The following RBM41 variants were observed in gnomAD, a reference collection of about 807,000 sequenced individuals.
RBM41 encodes the protein RNA binding motif protein 41.
Under a neutral mutation model 30.8 loss-of-function variants are expected in RBM41, and 14 were observed. The ratio of observed to expected loss-of-function variants is 0.45; its 90% confidence interval spans 0.30 to 0.71. The LOEUF is 0.71. Among genes scored for constraint, RBM41 ranks in the 30% least tolerant of loss-of-function variants. The pLI is 0.08. For missense variants in RBM41, 276 were observed against 326.3 expected (o/e 0.85, Z 1.19); for synonymous variants, 120 against 110.1 (o/e 1.09, Z -0.56).
chrX:107,085,531 G>C (rs1035798190), intron 6 of RBM41, among the ~76,000 whole-genome samples: 1 of 111,338 alleles, frequency 9.0e-6, no homozygotes, highest in Non-Finnish European at 1.9e-5. Context: ...GCCTCCCAAA[G>C]TGCTGAGGTT....
At position 107,102,527 on chromosome X, in the gene RBM41, T is replaced by C. The variant is rs1028241141; in HGVS notation, c.595+10870A>G. ...AGCCAGGAATACAGATGGGGTTATC[T>C]AGGAAGAATCTGTAGAGAAACCTCA... On this transcript the variant is annotated intron_variant, in intron 5 of 7. Coordinates refer to ENST00000685964, the MANE Select transcript of RBM41 (RefSeq NM_001324242.2). Among the ~76,000 whole-genome samples the C allele has an allele frequency of 9.9e-5, 11 of 111,625 alleles. 1 individual carries two copies. The highest frequency in any genetic ancestry group is 5.7e-4 in the Admixed American group (6 of 10,520).
rs1430938279 is a variant in RBM41 at position 107,064,578 on chromosome X, A to AT, written c.*2948dup. 9.0e-6 allele frequency: 1 copy of AT among 111,013 alleles called. No homozygotes were observed. The highest frequency in any genetic ancestry group is 1.9e-5 in the Non-Finnish European group (1 of 52,997). 9.1% of individuals were successfully genotyped at this position (111,013 alleles called of 1,213,427 possible). Reference sequence around the variant, plus strand: ...ACTTACAAGTGTGTCTGATTTCCACATATTTGTGAGTTTCCCAACTTTTCA... The same window carrying AT: ...ACTTACAAGTGTGTCTGATTTCCACATTATTTGTGAGTTTCCCAACTTTTCA... On this transcript the variant is annotated 3_prime_UTR_variant, in exon 8 of 8. Transcript: ENST00000685964.
chrX:107,083,725 G>T (rs1245043998), intron 6 of RBM41, among the ~76,000 whole-genome samples: 2 of 110,583 alleles, frequency 1.8e-5, no homozygotes, highest in Non-Finnish European at 3.8e-5. Context: ...CAGTGTTTTT[G>T]ATTTCTAGCA....
intron 6 of RBM41, among the ~76,000 whole-genome samples, chrX:107,075,705 C>T (rs748599172): frequency 2.7e-5 from 3 of 111,081 alleles, no homozygotes; most frequent in East Asian, 2.8e-4. Flanking sequence ...GTTACAATGG[C>T]CATTATCAAA....
intron 5 of RBM41, among the ~76,000 whole-genome samples, chrX:107,089,352 T>C (rs989367840): frequency 1.2e-4 from 13 of 112,172 alleles, no homozygotes; most frequent in African/African-American, 4.2e-4. Context: ...AAACTACATT[T>C]GTTCTATGAA....
chrX:107,060,198 A>G (rs1340853917), downstream of RBM41, among the ~76,000 whole-genome samples: 1 of 110,847 alleles, frequency 9.0e-6, no homozygotes, highest in Non-Finnish European at 1.9e-5. Flanking sequence ...ATATAAATAC[A>G]TGAGAAAATA....
rs915410019 is a variant in RBM41, at chrX:107,069,196, T to G, written c.1147+59A>C. ...GACTATATCTAAATTAGAGAGGTTATAGGTAATCTCTAGCGAACTGAGGGG... is the reference window on the plus strand; with the variant it reads ...GACTATATCTAAATTAGAGAGGTTAGAGGTAATCTCTAGCGAACTGAGGGG... On this transcript the variant is annotated intron_variant, in intron 7 of 7. Transcript: ENST00000685964. 45 of 1,006,760 alleles carry G rather than the reference T, an allele frequency of 4.5e-5. No individual in the cohort carries two copies. In the Admixed American group the frequency reaches 1.2e-3, roughly 26 times the overall value. The allele number at this position is 1,006,760 out of a possible 1,213,427, so 83.0% of individuals were successfully genotyped here.
At chrX:107,090,924 G>A (rs1241523272) in intron 5 of RBM41, among the ~76,000 whole-genome samples, 1 of 109,510 alleles carries the variant, frequency 9.1e-6, no homozygotes, top group Non-Finnish European at 1.9e-5. Context: ...AGCCCCGCGT[G>A]CATTAGGTAT....
intron 5 of RBM41, among the ~76,000 whole-genome samples, chrX:107,097,784 A>T (rs1450916965): frequency 8.9e-6 from 1 of 112,174 alleles, no homozygotes; most frequent in East Asian, 2.8e-4. Flanking sequence ...CCTCCAAAAC[A>T]TTATGGTTCC....
At chrX:107,071,550 T>C (rs1319349556) in intron 6 of RBM41, among the ~76,000 whole-genome samples, 2 of 111,882 alleles carry the variant, frequency 1.8e-5, no homozygotes, top group Non-Finnish European at 1.9e-5. Context: ...AAAAAGCTCA[T>C]ACACCTTGAC....
chrX:107,078,413 T>G (rs1569329256), intron 6 of RBM41, among the ~76,000 whole-genome samples: 1 of 111,462 alleles, frequency 9.0e-6, no homozygotes. Flanking sequence ...CTCTATATAT[T>G]TGTTTACTCA....
intron 6 of RBM41, among the ~76,000 whole-genome samples, chrX:107,084,134 C>CAAAA (rs60197903): frequency 1.8e-4 from 12 of 66,292 alleles, no homozygotes; most frequent in African/African-American, 5.2e-4. Flanking sequence ...TTTGGATTTA[C>CAAAA]AAAAAAAAAA....
Position 107,066,779 on chromosome X carries a change from T to C in RBM41, c.*748A>G, listed in dbSNP as rs776699335. 734 of 741,591 alleles carry C rather than the reference T, an allele frequency of 9.9e-4. 1 individual carries two copies. The highest frequency in any genetic ancestry group is 1.1e-3 in the Non-Finnish European group (708 of 629,175). The allele number at this position is 741,591 out of a possible 1,213,427, so 61.1% of individuals were successfully genotyped here. On this transcript the variant is annotated 3_prime_UTR_variant, in exon 8 of 8. Transcript: ENST00000685964. ...CTTTATTTCCATTTCCGTTTGGCATTCTTTGCTTGTATGTTCCTCTTCTAA... is the reference window on the plus strand; with the variant it reads ...CTTTATTTCCATTTCCGTTTGGCATCCTTTGCTTGTATGTTCCTCTTCTAA...
intron 6 of RBM41, among the ~76,000 whole-genome samples, chrX:107,081,767 C>T (rs1364076627): frequency 3.6e-5 from 4 of 111,830 alleles, no homozygotes; most frequent in Non-Finnish European, 7.5e-5. Flanking sequence ...TTTTTTGGTG[C>T]TATTGTAAAT....
chrX:107,059,483 T>C (rs1366429105), downstream of RBM41, among the ~76,000 whole-genome samples: 1 of 111,624 alleles, frequency 9.0e-6, no homozygotes, highest in Non-Finnish European at 1.9e-5. Flanking sequence ...GTCCTGCATA[T>C]GTATCCTGGA....
At chrX:107,116,234 G>C (rs939232844) in intron 2 of RBM41, 180 bp from the exon 3 acceptor site, 3 of 971,320 alleles carry the variant, frequency 3.1e-6, no homozygotes, top group Non-Finnish European at 3.9e-6. Context: ...CCGTCATCCA[G>C]GAATAATAAA....
intron 6 of RBM41, among the ~76,000 whole-genome samples, chrX:107,070,859 A>G (rs754220840): frequency 9.1e-6 from 1 of 109,735 alleles, no homozygotes; most frequent in Non-Finnish European, 1.9e-5. Flanking sequence ...CTGTCTCTGC[A>G]AAAGAGACAG....
chrX:107,067,583 C>T lies in RBM41; in HGVS notation c.1258G>A (p.Ala420Thr). 5.0e-6 allele frequency: 6 copies of T among 1,210,852 alleles called. No homozygotes were observed. Among genetic ancestry groups the T allele is most frequent in the Non-Finnish European group, 6.7e-6 (6 of 894,926 alleles). ...GTAGCACATGATATGAGAGAAGTCG[C>T]TTGGAGATTTGACCGTTGCTTTTTG... ...KNKKQRSNLQ[A>T]TSLISCATGS... The change falls in exon 8 of 8, where the codon GCG (alanine) becomes ACG (threonine). Residue 420 changes from alanine (A) to threonine (T), a missense_variant. Ala to Thr is a moderately conservative substitution (Grantham distance 58, BLOSUM62 0). Transcript: ENST00000685964.
chrX:107,110,336 C>T (rs949981282), intron 5 of RBM41, among the ~76,000 whole-genome samples: 4 of 110,833 alleles, frequency 3.6e-5, no homozygotes, highest in African/African-American at 1.3e-4. Context: ...AAAAGGCAAC[C>T]CATGAAAGGA....
Sources: gnomAD v4.1 joint callset for allele counts (sites outside exome capture counted in the v4.1 genomes callset) on GRCh38, gnomAD v4.1.1 for gene constraint, MANE v1.5 for transcripts, NCBI Gene and HGNC (gene_info 2026-07-23, HGNC 2026-07-21) for gene names.